The following FGF13 variants were observed in gnomAD, a reference collection of about 807,000 sequenced individuals.
FGF13 encodes the protein fibroblast growth factor 13.
FGF13 carries 2 observed loss-of-function variants against 19.5 expected under a neutral mutation model. The ratio of observed to expected loss-of-function variants is 0.10; its 90% confidence interval spans 0.04 to 0.32. The LOEUF is 0.32. Ranked by LOEUF, FGF13 falls within the 10% of genes least tolerant of loss-of-function variation. FGF13 has a pLI of 1.00. For missense variants in FGF13, 113 were observed against 192.7 expected, an observed-to-expected ratio of 0.59 and a Z score of 2.45; for synonymous variants, 72 against 76.9, an observed-to-expected ratio of 0.94 and a Z score of 0.33.
At chrX:139,137,630 A>G (rs749129235) in intron 1 of FGF13, among the ~76,000 whole-genome samples, 2 of 111,830 alleles carry the variant, frequency 1.8e-5, no homozygotes, top group African/African-American at 6.5e-5. Context: ...AAGCACCAGA[A>G]CCCTCAGGCC....
intron 3 of FGF13, among the ~76,000 whole-genome samples, chrX:138,813,282 T>C (rs1326188597): frequency 9.0e-6 from 1 of 111,488 alleles, no homozygotes; most frequent in Non-Finnish European, 1.9e-5. Context: ...TTTCATAATC[T>C]CCACTATCAT....
chrX:138,787,965 T>C (rs751769235), intron 3 of FGF13, among the ~76,000 whole-genome samples: 1 of 112,040 alleles, frequency 8.9e-6, no homozygotes, highest in African/African-American at 3.2e-5. Flanking sequence ...CATTCCAATC[T>C]GGCTTCCCAA....
At chrX:139,076,959 G>A (rs950091330) in intron 1 of FGF13, among the ~76,000 whole-genome samples, 5 of 112,154 alleles carry the variant, frequency 4.5e-5, no homozygotes, top group African/African-American at 9.7e-5. Flanking sequence ...CCTAGTACAG[G>A]TGTGTTTATT....
At chrX:139,162,707 C>A (rs1235990146) in intron 1 of FGF13, among the ~76,000 whole-genome samples, 1 of 112,001 alleles carries the variant, frequency 8.9e-6, no homozygotes, top group Admixed American at 9.4e-5. Flanking sequence ...TAAAAACAAA[C>A]AACTCCATCA....
At chrX:138,975,520 T>G (rs1291834807) in intron 1 of FGF13, among the ~76,000 whole-genome samples, 1 of 109,715 alleles carries the variant, frequency 9.1e-6, no homozygotes, top group Non-Finnish European at 1.9e-5. Flanking sequence ...ACCCTAGAAC[T>G]TAAAGTATAA....
chrX:138,787,534 T>C lies in FGF13; in HGVS notation c.217+69978A>G, dbSNP rs111781576. On this transcript the variant is annotated intron_variant, in intron 3 of 6. Transcript: ENST00000436198. ...GCCAGTTAGTTCTCTGGCTTCTTTTTGTTTATTTGTTTGTTTGTTTATTTT... is the reference window on the plus strand; with the variant it reads ...GCCAGTTAGTTCTCTGGCTTCTTTTCGTTTATTTGTTTGTTTGTTTATTTT... Among the ~76,000 whole-genome samples, 579 of 112,016 alleles carry C rather than the reference T, an allele frequency of 5.2e-3. 1 individual carries two copies. Among genetic ancestry groups the C allele is most frequent in the Middle Eastern group, 0.014 (3 of 217 alleles).
At chrX:139,184,499 C>A (rs2084265116) in intron 1 of FGF13, among the ~76,000 whole-genome samples, 1 of 111,623 alleles carries the variant, frequency 9.0e-6, no homozygotes, top group Admixed American at 9.5e-5. Flanking sequence ...CATCATCATA[C>A]TCAAAACTAC....
chrX:138,663,128 T>TA (rs113393351), intron 3 of FGF13, among the ~76,000 whole-genome samples: 127 of 108,898 alleles, frequency 1.2e-3, no homozygotes, highest in East Asian at 2.0e-3. Flanking sequence ...TTATCCAAGT[T>TA]AAAAAAAAAA....
chrX:138,802,109 T>G (rs1464301041), intron 3 of FGF13, among the ~76,000 whole-genome samples: 2 of 111,937 alleles, frequency 1.8e-5, no homozygotes, highest in East Asian at 5.7e-4. Flanking sequence ...TTTTCTCTCT[T>G]GCTGGGTTTC....
chrX:138,883,316 C>A (rs892255070), intron 1 of FGF13, among the ~76,000 whole-genome samples: 1 of 111,711 alleles, frequency 9.0e-6, no homozygotes, highest in Admixed American at 9.5e-5. Context: ...TCTTAGCCAA[C>A]ATATGGGAAT....
rs151093636 is a variant in FGF13, at chrX:138,823,453, T to C, written c.217+34059A>G. On this transcript the variant is annotated intron_variant, in intron 3 of 6. Transcript: ENST00000436198. ...ACTCTCTCACTTCACTAAGAGTTTC[T>C]GTTTCCCCTTTTTTTTCCTTTTTAC... 1.0e-2 allele frequency among the ~76,000 whole-genome samples: 1,107 copies of C among 111,006 alleles called. 16 individuals carry two copies. Among genetic ancestry groups the C allele is most frequent in the African/African-American group, 0.034 (1,038 of 30,352 alleles).
intron 1 of FGF13, among the ~76,000 whole-genome samples, chrX:139,067,682 C>T (rs773741473): frequency 8.9e-6 from 1 of 112,062 alleles, no homozygotes; most frequent in Non-Finnish European, 1.9e-5. Flanking sequence ...TAGGAAGAAT[C>T]GATATCGTGA....
chrX:139,087,108 C>CCAACATGG (rs781622525), intron 1 of FGF13, among the ~76,000 whole-genome samples: 1 of 111,944 alleles, frequency 8.9e-6, no homozygotes, highest in South Asian at 3.7e-4. Context: ...ACCAGCCTGA[C>CCAACATGG]CAACATGGAG....
chrX:138,673,344 G>T (rs1039970230), intron 3 of FGF13, among the ~76,000 whole-genome samples: 1 of 111,122 alleles, frequency 9.0e-6, no homozygotes, highest in Non-Finnish European at 1.9e-5. Context: ...GTTTGACCAG[G>T]CATGTTATTT....
At chrX:138,888,669 C>G (rs903009603) in intron 1 of FGF13, among the ~76,000 whole-genome samples, 1 of 108,304 alleles carries the variant, frequency 9.2e-6, no homozygotes, top group Non-Finnish European at 1.9e-5. Flanking sequence ...CCTTCTTCTT[C>G]CTTCTACCTG....
intron 1 of FGF13, among the ~76,000 whole-genome samples, chrX:139,084,253 G>C (rs1277282831): frequency 1.8e-5 from 2 of 110,888 alleles, no homozygotes; most frequent in Non-Finnish European, 3.8e-5. Flanking sequence ...GGAAAGGAGG[G>C]AGAAAATGAG....
chrX:139,146,597 G>A (rs903717474), intron 1 of FGF13, among the ~76,000 whole-genome samples: 2 of 111,901 alleles, frequency 1.8e-5, no homozygotes, highest in African/African-American at 6.5e-5. Flanking sequence ...AATACCACTT[G>A]ACCCTGCAAT....
Position 138,635,578 on chromosome X carries a change from G to A in FGF13, c.480C>T (p.Tyr160=). ...NYYVTYSSMI[Y]RQQQSGRGWY... is the part of the protein sequence containing the mutation. ...ACCCTCGGCCTGACTGCTGCTGACG[G>A]TATATCATTGATGAATATGTCACAT... Residue 160 remains tyrosine, a synonymous_variant, in exon 4 of 5, where the codon TAC becomes TAT. Coordinates refer to ENST00000315930, the MANE Select transcript of FGF13 (RefSeq NM_004114.5). 1 of 1,209,028 alleles carries A rather than the reference G, an allele frequency of 8.3e-7. No homozygotes were observed. Among genetic ancestry groups the A allele is most frequent in the Non-Finnish European group, 1.1e-6 (1 of 893,580 alleles).
rs1036184361 is a variant in FGF13, at chrX:138,621,176, T to C, written c.*11674A>G. The C allele has an allele frequency of 1.8e-5, 2 of 111,603 alleles. No individual in the cohort carries two copies. The highest frequency in any genetic ancestry group is 3.3e-5 in the African/African-American group (1 of 30,730). The allele number at this position is 111,603 out of a possible 1,213,427, so 9.2% of individuals were successfully genotyped here. On this transcript the variant is annotated 3_prime_UTR_variant, in exon 5 of 5. Coordinates refer to ENST00000315930, the MANE Select transcript of FGF13 (RefSeq NM_004114.5). ...CCTCCAAAAGCAATAGAATGTACATTCGTCCCAAGTAATTGCGCAGGTACA... is the reference window on the plus strand; with the variant it reads ...CCTCCAAAAGCAATAGAATGTACATCCGTCCCAAGTAATTGCGCAGGTACA...
Sources: gnomAD v4.1 joint callset for allele counts (sites outside exome capture counted in the v4.1 genomes callset) on GRCh38, gnomAD v4.1.1 for gene constraint, MANE v1.5 for transcripts, NCBI Gene and HGNC (gene_info 2026-07-23, HGNC 2026-07-21) for gene names.